The following NLGN1 variants were observed in gnomAD, a reference collection of about 807,000 sequenced individuals.
The protein encoded by NLGN1 is neuroligin 1.
NLGN1 carries 12 observed loss-of-function variants against 65.5 expected under a neutral mutation model. The ratio of observed to expected loss-of-function variants is 0.18; its 90% CI spans 0.12 to 0.30. The LOEUF is 0.30. Among genes scored for constraint, NLGN1 ranks in the 10% least tolerant of loss-of-function variants. NLGN1 has a pLI of 1.00. For missense variants in NLGN1, 750 were observed against 1,007.1 expected (o/e 0.74, Z 3.46); for synonymous variants, 350 against 359.5 (o/e 0.97, Z 0.30).
chr3:173,831,932 A>G (rs1722666627), intron 4 of NLGN1, among the ~76,000 whole-genome samples: 1 of 148,232 alleles, frequency 6.7e-6, no homozygotes, highest in East Asian at 1.9e-4. Flanking sequence ...ATTATTTTTC[A>G]TACAGCTAAG....
chr3:174,073,282 G>T (rs1326421917), intron 4 of NLGN1, among the ~76,000 whole-genome samples: 1 of 151,788 alleles, frequency 6.6e-6, no homozygotes, highest in East Asian at 1.9e-4. Flanking sequence ...CAAAGTTTGT[G>T]TACAACTTCT....
chr3:173,921,943 G>A (rs1382869315), intron 4 of NLGN1, among the ~76,000 whole-genome samples: 1 of 152,036 alleles, frequency 6.6e-6, no homozygotes, highest in African/African-American at 2.4e-5. Flanking sequence ...GTGCCACTCT[G>A]AATACATTAT....
At chr3:173,982,093 C>T (rs1357105932) in intron 4 of NLGN1, among the ~76,000 whole-genome samples, 1 of 152,010 alleles carries the variant, frequency 6.6e-6, no homozygotes, top group Non-Finnish European at 1.5e-5. Flanking sequence ...GATGTCGCAG[C>T]ATTAATTGAC....
At chr3:173,682,302 A>G (rs1171078931) in intron 3 of NLGN1, among the ~76,000 whole-genome samples, 1 of 152,132 alleles carries the variant, frequency 6.6e-6, no homozygotes, top group Non-Finnish European at 1.5e-5. Flanking sequence ...TATAAAGACA[A>G]TAGGTGGCTG....
rs1216338506 is a variant in NLGN1, at chr3:174,076,782, T to C, written c.647-198533T>C. Reference sequence around the variant, plus strand: ...GTGTGTTTATCCTCACATGTGTGTATGTACATATGTGTGTTTCTAAAACCA... The same window carrying C: ...GTGTGTTTATCCTCACATGTGTGTACGTACATATGTGTGTTTCTAAAACCA... On this transcript the variant is annotated intron_variant, in intron 4 of 6. Coordinates refer to ENST00000457714, the Ensembl canonical transcript of NLGN1. 2.6e-5 allele frequency among the ~76,000 whole-genome samples: 4 copies of C among 151,788 alleles called. No individual in the cohort carries two copies. The South Asian group carries it at 6.2e-4, about 24-fold the overall frequency.
chr3:174,178,441 A>C (rs1729830705), intron 4 of NLGN1, among the ~76,000 whole-genome samples: 2 of 152,168 alleles, frequency 1.3e-5, no homozygotes, highest in South Asian at 4.1e-4. Flanking sequence ...GTTAAGAGTA[A>C]TTGCTTTGGC....
rs534303156 is a variant in NLGN1, at chr3:174,171,855, G to C, written c.647-103460G>C. On this transcript the variant is annotated intron_variant, in intron 4 of 6. Coordinates refer to ENST00000457714, the Ensembl canonical transcript of NLGN1. ...AGAAGCTCATGATTCCACATGTCAG[G>C]GTCACCAGCTTGGATGACAATAACT... Among the ~76,000 whole-genome samples the C allele has an allele frequency of 3.3e-5, 5 of 152,104 alleles. No individual in the cohort carries two copies. The East Asian group carries it at 9.7e-4, about 29-fold the overall frequency.
At chr3:173,583,099 G>A (rs1746661299) in intron 2 of NLGN1, among the ~76,000 whole-genome samples, 1 of 152,138 alleles carries the variant, frequency 6.6e-6, no homozygotes, top group African/African-American at 2.4e-5. Context: ...TTCTAGCCCT[G>A]AACCACATCT....
intron 2 of NLGN1, among the ~76,000 whole-genome samples, chr3:173,498,746 C>G (rs1233168577): frequency 1.3e-5 from 2 of 151,866 alleles, no homozygotes; most frequent in African/African-American, 2.4e-5. Context: ...GATCGCCATT[C>G]TAACTGGTGT....
intron 4 of NLGN1, among the ~76,000 whole-genome samples, chr3:173,831,740 A>G (rs1722613675): frequency 6.6e-6 from 1 of 152,144 alleles, no homozygotes; most frequent in Admixed American, 6.5e-5. Context: ...TATACCCACA[A>G]TTTTTTAAAA....
intron 4 of NLGN1, among the ~76,000 whole-genome samples, chr3:174,176,840 T>C (rs1729532433): frequency 3.9e-5 from 6 of 152,048 alleles, no homozygotes; most frequent in Admixed American, 1.3e-4. Context: ...ATTCATTACA[T>C]ATGGGTAATG....
intron 2 of NLGN1, among the ~76,000 whole-genome samples, chr3:173,439,908 A>G (rs1469436570): frequency 1.3e-5 from 2 of 152,098 alleles, no homozygotes; most frequent in Non-Finnish European, 2.9e-5. Flanking sequence ...TAAGACAGCA[A>G]TGAAGTTTGC....
intron 3 of NLGN1, among the ~76,000 whole-genome samples, chr3:173,630,962 A>T (rs2149540131): frequency 6.6e-6 from 1 of 152,294 alleles, no homozygotes; most frequent in East Asian, 1.9e-4. Flanking sequence ...GCTGGTCCAG[A>T]TGGGGAGCTT....
At chr3:174,247,110 T>G (rs1423324412) in intron 4 of NLGN1, among the ~76,000 whole-genome samples, 3 of 152,214 alleles carry the variant, frequency 2.0e-5, no homozygotes. Flanking sequence ...TTTCTACCTA[T>G]CTTAGGAAAG....
chr3:173,453,403 G>GTTTGGT (rs1186483412), intron 2 of NLGN1, among the ~76,000 whole-genome samples: 1 of 151,374 alleles, frequency 6.6e-6, no homozygotes, highest in Admixed American at 6.6e-5. Context: ...TTTAAATAAA[G>GTTTGGT]CAACAATGAA....
At chr3:173,451,279 G>A (rs778799218) in intron 2 of NLGN1, among the ~76,000 whole-genome samples, 1 of 152,176 alleles carries the variant, frequency 6.6e-6, no homozygotes, top group Non-Finnish European at 1.5e-5. Context: ...CCTTTTAACA[G>A]TCAGGACCCT....
chr3:174,053,957 G>A (rs1735486714), intron 4 of NLGN1, among the ~76,000 whole-genome samples: 1 of 151,842 alleles, frequency 6.6e-6, no homozygotes, highest in Admixed American at 6.6e-5. Flanking sequence ...TTTATGCCAA[G>A]CTTCTTGAAT....
rs1437053862 is a variant in NLGN1 at position 173,539,654 on chromosome 3, T to TAC, written c.-320-64624_-320-64623insCA. 2.4e-4 allele frequency among the ~76,000 whole-genome samples: 34 copies of TAC among 141,228 alleles called. 1 individual carries two copies. In the South Asian group the frequency reaches 3.0e-3, roughly 13 times the overall value. The allele number at this position is 141,228 out of a possible 152,430, so 92.7% of individuals were successfully genotyped here. On this transcript the variant is annotated intron_variant, in intron 2 of 6. Transcript: ENST00000457714. ...TATACACATATATACATATATAACA[T>TAC]ATGTGTATATATGCACATATATAAC...
chr3:174,162,066 A>T (rs943867818), intron 4 of NLGN1, among the ~76,000 whole-genome samples: 1 of 151,898 alleles, frequency 6.6e-6, no homozygotes, highest in South Asian at 2.1e-4. Context: ...GGGTAGTTAC[A>T]TAAAAATACA....
Sources: allele counts gnomAD v4.1 joint callset (sites outside exome capture counted in the v4.1 genomes callset), GRCh38; gene constraint gnomAD v4.1.1; transcripts MANE v1.5; gene names NCBI Gene and HGNC (gene_info 2026-07-23, HGNC 2026-07-21).